CALN1: variants seen among roughly 807,000 people sequenced by gnomAD.
The protein encoded by CALN1 is calcium-binding protein 8.
CALN1 carries 17 observed loss-of-function variants against 30.6 expected under a neutral mutation model. The observed-to-expected ratio is 0.56, with a 90% CI of 0.38 to 0.83. CALN1 has a LOEUF of 0.83. CALN1 is among the 40% of genes least tolerant of loss of function. CALN1 has a pLI of 0.00. For synonymous variants in CALN1, 156 were observed against 131.4 expected (o/e 1.19, Z -1.28); for missense variants, 291 against 354.9 (o/e 0.82, Z 1.45).
chr7:71,904,468 CACTT>C (rs1794023490), intron 5 of CALN1, among the ~76,000 whole-genome samples: 1 of 152,140 alleles, frequency 6.6e-6, no homozygotes, highest in Non-Finnish European at 1.5e-5. Context: ...CAAATAATCT[CACTT>C]ACATGTGAAA....
intron 4 of CALN1, among the ~76,000 whole-genome samples, chr7:72,102,317 C>T (rs572738050): frequency 6.6e-6 from 1 of 151,952 alleles, no homozygotes; most frequent in South Asian, 2.1e-4. Flanking sequence ...TGGTGGCGCA[C>T]GTCTGTAACC....
intron 5 of CALN1, among the ~76,000 whole-genome samples, chr7:71,960,652 C>G (rs1292974008): frequency 6.6e-6 from 1 of 152,114 alleles, no homozygotes; most frequent in African/African-American, 2.4e-5. Context: ...GTGCAAGTAT[C>G]TTTTTGATAT....
chr7:71,890,138 T>G (rs535092496), intron 5 of CALN1, among the ~76,000 whole-genome samples: 4 of 152,290 alleles, frequency 2.6e-5, no homozygotes, highest in African/African-American at 9.6e-5. Flanking sequence ...AAGGTCTCAC[T>G]ATGTCACTCA....
At chr7:71,790,110 G>A (rs1793233221) in intron 6 of CALN1, among the ~76,000 whole-genome samples, 2 of 143,976 alleles carry the variant, frequency 1.4e-5, no homozygotes, top group Non-Finnish European at 3.0e-5. Flanking sequence ...CTGCAGGAGA[G>A]AGAGAGAGAG....
chr7:72,402,231 C>T (rs1806391061), intron 2 of CALN1, among the ~76,000 whole-genome samples: 2 of 152,230 alleles, frequency 1.3e-5, no homozygotes, highest in African/African-American at 4.8e-5. Context: ...TCTCAAATGT[C>T]AAGTTGTGTT....
intron 3 of CALN1, among the ~76,000 whole-genome samples, chr7:72,227,602 G>A (rs1173967766): frequency 2.0e-5 from 3 of 151,848 alleles, no homozygotes; most frequent in African/African-American, 7.2e-5. Context: ...GGGTTGTGGG[G>A]GGTGGGCAAA....
At chr7:72,398,546 G>A (rs1585660556) in intron 2 of CALN1, among the ~76,000 whole-genome samples, 2 of 152,226 alleles carry the variant, frequency 1.3e-5, no homozygotes, top group South Asian at 4.1e-4. Flanking sequence ...CACCATAGTG[G>A]TAGGGTTATT....
At chr7:72,358,484 C>T (rs1157590816) in intron 2 of CALN1, among the ~76,000 whole-genome samples, 1 of 150,154 alleles carries the variant, frequency 6.7e-6, no homozygotes, top group Non-Finnish European at 1.5e-5. Flanking sequence ...TGTACTTAGC[C>T]ATCACTCCCT....
At chr7:72,203,297 A>G (rs1470969978) in intron 3 of CALN1, among the ~76,000 whole-genome samples, 2 of 152,130 alleles carry the variant, frequency 1.3e-5, no homozygotes, top group Admixed American at 1.3e-4. Flanking sequence ...GCATATGTAT[A>G]CCTATGTAAC....
At chr7:71,943,581 C>T (rs1796246472) in intron 5 of CALN1, among the ~76,000 whole-genome samples, 1 of 149,474 alleles carries the variant, frequency 6.7e-6, no homozygotes, top group African/African-American at 2.5e-5. Context: ...GCTGAGACTA[C>T]AGGCATGTGT....
At chr7:71,947,300 T>C (rs1022636079) in intron 5 of CALN1, among the ~76,000 whole-genome samples, 1 of 152,118 alleles carries the variant, frequency 6.6e-6, no homozygotes, top group Admixed American at 6.6e-5. Flanking sequence ...CTTGAGCCAC[T>C]GCGCCCCGCC....
At chr7:72,244,669 G>T (rs1249329821) in intron 3 of CALN1, among the ~76,000 whole-genome samples, 1 of 151,428 alleles carries the variant, frequency 6.6e-6, no homozygotes, top group East Asian at 2.0e-4. Flanking sequence ...TAAAATGGGG[G>T]TTGAGTAGGA....
At chr7:71,816,016 G>A (rs1788244125) in intron 5 of CALN1, among the ~76,000 whole-genome samples, 1 of 149,726 alleles carries the variant, frequency 6.7e-6, no homozygotes, top group South Asian at 2.2e-4. Context: ...CATGACACCA[G>A]ACCTGGCTAA....
chr7:72,278,645 T>G (rs1159337244), intron 3 of CALN1, 41 bp downstream of exon 3: 8 of 1,591,466 alleles, frequency 5.0e-6, no homozygotes, highest in African/African-American at 1.3e-5. Context: ...AACACCTCCC[T>G]GGGAGGGGGG....
At chr7:71,949,699 C>CA (rs1796591405) in intron 5 of CALN1, among the ~76,000 whole-genome samples, 1 of 151,916 alleles carries the variant, frequency 6.6e-6, no homozygotes, top group South Asian at 2.1e-4. Context: ...ATTTAAACCC[C>CA]AAAAAATTCT....
At chr7:72,248,573 C>T (rs1795341986) in intron 3 of CALN1, among the ~76,000 whole-genome samples, 1 of 151,574 alleles carries the variant, frequency 6.6e-6, no homozygotes, top group African/African-American at 2.4e-5. Flanking sequence ...GACTCTGACC[C>T]TCCAGCCTCC....
At chr7:71,987,452 T>C (rs994607419) in intron 5 of CALN1, among the ~76,000 whole-genome samples, 2 of 152,136 alleles carry the variant, frequency 1.3e-5, no homozygotes, top group African/African-American at 4.8e-5. Flanking sequence ...TATGAATGCA[T>C]GATGCAGGCA....
chr7:72,466,893 AAAAG>A, the CALN1 span, among the ~76,000 whole-genome samples: 8 of 152,070 alleles, frequency 5.3e-5, no homozygotes, highest in South Asian at 4.2e-4. Context: ...AAAGAAAAGA[AAAAG>A]AAAGAGAAAG....
the CALN1 span, among the ~76,000 whole-genome samples, chr7:72,456,609 T>C: frequency 0.057 from 8,730 of 152,102 alleles, 320 homozygotes; most frequent in African/African-American, 0.091. Flanking sequence ...CCCAGCACTT[T>C]GGAAGGCCGA....
Sources: gnomAD v4.1 joint callset for allele counts (sites outside exome capture counted in the v4.1 genomes callset) on GRCh38, gnomAD v4.1.1 for gene constraint, MANE v1.5 for transcripts, NCBI Gene and HGNC (gene_info 2026-07-23, HGNC 2026-07-21) for gene names.